PRKCB: variants seen among roughly 807,000 people sequenced by gnomAD.
PRKCB encodes protein kinase C beta.
Under a neutral mutation model 81.5 loss-of-function variants are expected in PRKCB, and 13 were observed. The observed-to-expected ratio is 0.16, with a 90% CI of 0.10 to 0.25. The LOEUF is 0.25. Ranked by LOEUF, PRKCB falls within the 10% of genes least tolerant of loss-of-function variation. The pLI is 1.00. For missense variants in PRKCB, 509 were observed against 875.7 expected (o/e 0.58, Z 5.29); for synonymous variants, 335 against 321.4 (o/e 1.04, Z -0.45).
chr16:24,046,473 A>T (rs778047784), intron 5 of PRKCB, among the ~76,000 whole-genome samples: 6 of 152,226 alleles, frequency 3.9e-5, no homozygotes, highest in Non-Finnish European at 7.3e-5. Flanking sequence ...AAGCGGCATG[A>T]TGTGATAGAG....
intron 2 of PRKCB, among the ~76,000 whole-genome samples, chr16:23,961,974 C>T (rs141427227): frequency 7.9e-5 from 12 of 152,152 alleles, no homozygotes; most frequent in Admixed American, 2.0e-4. Flanking sequence ...GAGGTGATTT[C>T]GCAAAGGAAA....
intron 2 of PRKCB, among the ~76,000 whole-genome samples, chr16:23,903,359 C>T (rs1224938741): frequency 4.6e-5 from 7 of 151,934 alleles, no homozygotes; most frequent in Non-Finnish European, 5.9e-5. Context: ...CGTATGGAGA[C>T]AGGTCTGCTC....
intron 2 of PRKCB, among the ~76,000 whole-genome samples, chr16:23,855,855 C>A (rs1206346445): frequency 6.6e-6 from 1 of 152,200 alleles, no homozygotes; most frequent in Non-Finnish European, 1.5e-5. Context: ...TTGGGCAAAG[C>A]AGCTCCCTTC....
At chr16:23,953,449 A>G (rs183869198) in intron 2 of PRKCB, among the ~76,000 whole-genome samples, 99 of 152,336 alleles carry the variant, frequency 6.5e-4, no homozygotes, top group African/African-American at 2.3e-3. Flanking sequence ...CTCCTGTTGC[A>G]GCTGGGGAGA....
chr16:23,901,450 T>C (rs1597236327), intron 2 of PRKCB, among the ~76,000 whole-genome samples: 1 of 151,990 alleles, frequency 6.6e-6, no homozygotes, highest in Non-Finnish European at 1.5e-5. Context: ...AGTTGTGGGG[T>C]GTTTTTATCA....
intron 2 of PRKCB, among the ~76,000 whole-genome samples, chr16:23,852,209 T>G (rs1377398508): frequency 6.6e-6 from 1 of 152,224 alleles, no homozygotes; most frequent in Non-Finnish European, 1.5e-5. Flanking sequence ...GGCTTTCAAC[T>G]TTTCAGTGCT....
intron 10 of PRKCB, among the ~76,000 whole-genome samples, chr16:24,161,500 T>C (rs938048704): frequency 6.6e-6 from 1 of 152,306 alleles, no homozygotes; most frequent in South Asian, 2.1e-4. Context: ...AGTTATAATA[T>C]AGTTGTTTAA....
intron 13 of PRKCB, among the ~76,000 whole-genome samples, chr16:24,182,289 CAAG>C (rs1435490430): frequency 6.6e-6 from 1 of 151,982 alleles, no homozygotes; most frequent in African/African-American, 2.4e-5. Flanking sequence ...GAGCCTGAGG[CAAG>C]AAGATCGCTT....
chr16:23,875,730 T>TATATGTGTGTATATCACAC (rs1963000392), intron 2 of PRKCB, among the ~76,000 whole-genome samples: 2 of 62,686 alleles, frequency 3.2e-5, no homozygotes, highest in Admixed American at 1.7e-4. Context: ...ATATCACACA[T>TATATGTGTGTATATCACAC]ATATATGTAT....
chr16:24,148,698 TA>T, intron 9 of PRKCB, among the ~76,000 whole-genome samples: 1 of 152,334 alleles, frequency 6.6e-6, no homozygotes, highest in East Asian at 1.9e-4. Flanking sequence ...ATCATGTGGT[TA>T]CTCTTCTTTT....
chr16:24,172,050 T>C, intron 10 of PRKCB: 1 of 453,892 alleles, frequency 2.2e-6, no homozygotes, highest in Non-Finnish European at 4.0e-6. Flanking sequence ...GCCAAAGTTG[T>C]AATTATTAAT....
At position 23,950,132 on chromosome 16, in the gene PRKCB, A is replaced by ATTTT. The variant is rs34117735; in HGVS notation, c.206-38353_206-38350dup. 7.7e-4 allele frequency among the ~76,000 whole-genome samples: 75 copies of ATTTT among 97,664 alleles called. 8 individuals carry two copies. Among genetic ancestry groups the ATTTT allele is most frequent in the African/African-American group, 2.0e-3 (48 of 24,100 alleles). The allele number at this position is 97,664 out of a possible 152,430, so 64.1% of individuals were successfully genotyped here. On this transcript the variant is annotated intron_variant, in intron 2 of 16. Coordinates refer to ENST00000643927, the MANE Select transcript of PRKCB (RefSeq NM_002738.7). The stretch of plus-strand genomic sequence containing the variant: ...AGCAGCATTGGCCCCTATGATTTGA[A>ATTTT]TTTTTTTTTTTTTTTTTTTTTTTTT...
intron 3 of PRKCB, among the ~76,000 whole-genome samples, chr16:24,026,855 T>C (rs892352460): frequency 1.2e-4 from 19 of 152,182 alleles, no homozygotes; most frequent in African/African-American, 4.1e-4. Flanking sequence ...TTAACCTCCA[T>C]GCGAGCTCCA....
At chr16:24,135,624 T>G (rs1369197434) in intron 9 of PRKCB, among the ~76,000 whole-genome samples, 1 of 152,078 alleles carries the variant, frequency 6.6e-6, no homozygotes, top group East Asian at 1.9e-4. Context: ...CACAGCATCA[T>G]CTGCTGGAGC....
At chr16:24,021,008 C>G (rs1466674198) in intron 3 of PRKCB, among the ~76,000 whole-genome samples, 2 of 141,374 alleles carry the variant, frequency 1.4e-5, no homozygotes, top group Middle Eastern at 6.9e-3. Flanking sequence ...TTCTTTCTTT[C>G]TTTCTTTCTT....
intron 9 of PRKCB, among the ~76,000 whole-genome samples, chr16:24,135,102 A>G (rs1596563559): frequency 1.3e-5 from 2 of 151,794 alleles, no homozygotes; most frequent in Admixed American, 1.3e-4. Flanking sequence ...AAAGTGCCTT[A>G]TGAACCTTGA....
At chr16:23,898,902 C>G (rs999641858) in intron 2 of PRKCB, among the ~76,000 whole-genome samples, 2 of 152,256 alleles carry the variant, frequency 1.3e-5, no homozygotes, top group African/African-American at 4.8e-5. Context: ...TGATAGTGAT[C>G]GTGTATACTT....
chr16:23,915,964 A>G (rs2141738980), intron 2 of PRKCB, among the ~76,000 whole-genome samples: 1 of 152,218 alleles, frequency 6.6e-6, no homozygotes, highest in African/African-American at 2.4e-5. Flanking sequence ...TGTTATTCAG[A>G]AATCTGCTTT....
Position 24,219,414 on chromosome 16 carries a change from C to T in PRKCB, c.*4598C>T, listed in dbSNP as rs912842460. ...GACTGTGGGTGGATTTTCGAGCTGA[C>T]GGTGGTCAATTCCTTTCATTAAGCA... On this transcript the variant is annotated 3_prime_UTR_variant, in exon 17 of 17. Coordinates refer to ENST00000643927, the MANE Select transcript of PRKCB (RefSeq NM_002738.7). 25 of 985,524 alleles carry T rather than the reference C, an allele frequency of 2.5e-5. No individual in the cohort carries two copies. Among genetic ancestry groups the T allele is most frequent in the Admixed American group, 6.1e-5 (1 of 16,294 alleles). 61.0% of individuals were successfully genotyped at this position (985,524 alleles called of 1,614,324 possible).
Sources: gnomAD v4.1 joint callset for allele counts (sites outside exome capture counted in the v4.1 genomes callset) on GRCh38, gnomAD v4.1.1 for gene constraint, MANE v1.5 for transcripts, NCBI Gene and HGNC (gene_info 2026-07-23, HGNC 2026-07-21) for gene names.